The following ADAMTS17 variants were observed in gnomAD, a reference collection of about 807,000 sequenced individuals.
The protein encoded by ADAMTS17 is A disintegrin and metalloproteinase with thrombospondin motifs 17.
In ADAMTS17, 113 loss-of-function variants were observed where a neutral mutation model predicts 141.5. The ratio of observed to expected loss-of-function variants is 0.80; its 90% CI spans 0.69 to 0.93. The LOEUF (loss-of-function observed/expected upper bound fraction) is 0.93, where lower values mean the gene tolerates loss of function less well. Ranked by LOEUF, ADAMTS17 falls within the 40% of genes least tolerant of loss-of-function variation. The probability of loss-of-function intolerance (pLI) is 0.00; values close to 1 mark genes in which losing one functional copy is unlikely to be tolerated. For missense variants in ADAMTS17, 1,659 were observed against 1,517.9 expected (o/e 1.09, Z -1.54); for synonymous variants, 768 against 630.6 (o/e 1.22, Z -3.27).
rs76450965 is a variant in ADAMTS17 at position 100,248,310 on chromosome 15, G to A, written c.1075+5826C>T. On this transcript the variant is annotated intron_variant, in intron 7 of 21. Transcript: ENST00000268070. ...CACCGTAGCTCAATTTGGAGGCACG[G>A]GTAGGAGAAAACCAATGCTCCACAT... Among the ~76,000 whole-genome samples the A allele has an allele frequency of 5.2e-3, 795 of 152,314 alleles. 7 individuals are homozygous for A. Among genetic ancestry groups the A allele is most frequent in the African/African-American group, 0.014 (585 of 41,564 alleles).
chr15:100,140,121 A>C (rs567778405), intron 10 of ADAMTS17, among the ~76,000 whole-genome samples: 1 of 152,036 alleles, frequency 6.6e-6, no homozygotes, highest in African/African-American at 2.4e-5. Flanking sequence ...TCAGCCTCCT[A>C]AGTAGCTGGG....
At chr15:100,302,709 G>A (rs537612875) in intron 3 of ADAMTS17, among the ~76,000 whole-genome samples, 45 of 152,288 alleles carry the variant, frequency 3.0e-4, no homozygotes, top group Non-Finnish European at 4.1e-4. Context: ...AACTATCTGC[G>A]ATGGTTAATA....
chr15:100,215,883 C>T (rs535455182), intron 7 of ADAMTS17, among the ~76,000 whole-genome samples: 5 of 152,138 alleles, frequency 3.3e-5, no homozygotes, highest in Admixed American at 6.5e-5. Flanking sequence ...GTTTAGGTGT[C>T]GCTGACTCTC....
chr15:100,195,607 T>C (rs1476366113), intron 8 of ADAMTS17, among the ~76,000 whole-genome samples: 1 of 127,200 alleles, frequency 7.9e-6, no homozygotes, highest in African/African-American at 3.1e-5. Flanking sequence ...GCCCATTGTT[T>C]GGTCTCAAAA....
chr15:100,125,954 G>A (rs113723003), intron 12 of ADAMTS17, among the ~76,000 whole-genome samples: 92 of 152,280 alleles, frequency 6.0e-4, no homozygotes, highest in African/African-American at 2.2e-3. Context: ...GGGGTCGTGG[G>A]AGCGTTCCAA....
At chr15:100,290,849 C>G (rs533749628) in intron 3 of ADAMTS17, among the ~76,000 whole-genome samples, 29 of 152,226 alleles carry the variant, frequency 1.9e-4, no homozygotes, top group African/African-American at 6.5e-4. Flanking sequence ...AAAATTAACT[C>G]GGGATGGATT....
chr15:99,989,254 C>T (rs971030154), intron 20 of ADAMTS17, among the ~76,000 whole-genome samples: 3 of 152,120 alleles, frequency 2.0e-5, no homozygotes, highest in African/African-American at 7.2e-5. Context: ...ACAGGGGTAC[C>T]CCACAAAAAG....
At chr15:100,302,564 A>C (rs1006697760) in intron 3 of ADAMTS17, among the ~76,000 whole-genome samples, 1 of 152,172 alleles carries the variant, frequency 6.6e-6, no homozygotes, top group Admixed American at 6.5e-5. Flanking sequence ...AACATTTGCT[A>C]TCTTTTTTAC....
intron 8 of ADAMTS17, among the ~76,000 whole-genome samples, chr15:100,166,361 A>G (rs190408683): frequency 4.6e-5 from 7 of 151,944 alleles, no homozygotes; most frequent in African/African-American, 1.7e-4. Context: ...ATTTTGCTTC[A>G]TCCTTTTCTA....
chr15:100,303,400 CAT>C (rs2045112256), intron 3 of ADAMTS17, among the ~76,000 whole-genome samples: 1 of 151,514 alleles, frequency 6.6e-6, no homozygotes. Flanking sequence ...CTTCTCCCAT[CAT>C]ATGAGTTGTA....
chr15:100,320,011 ACAG>A (rs950556753), intron 3 of ADAMTS17, among the ~76,000 whole-genome samples: 1 of 152,212 alleles, frequency 6.6e-6, no homozygotes, highest in African/African-American at 2.4e-5. Flanking sequence ...TATAAAAAAG[ACAG>A]CAGTGGAAAA....
intron 13 of ADAMTS17, among the ~76,000 whole-genome samples, chr15:100,109,803 C>T (rs2036638766): frequency 6.6e-6 from 1 of 152,134 alleles, no homozygotes; most frequent in Non-Finnish European, 1.5e-5. Flanking sequence ...GGTGTGCGCT[C>T]TCTGCCTGGA....
At chr15:100,251,794 C>G (rs974083630) in intron 7 of ADAMTS17, among the ~76,000 whole-genome samples, 2 of 152,160 alleles carry the variant, frequency 1.3e-5, no homozygotes, top group Non-Finnish European at 2.9e-5. Flanking sequence ...GGCTCTAGGC[C>G]AGTATGACTG....
At chr15:100,122,773 C>T (rs1567211832) in intron 12 of ADAMTS17, among the ~76,000 whole-genome samples, 1 of 152,166 alleles carries the variant, frequency 6.6e-6, no homozygotes, top group African/African-American at 2.4e-5. Flanking sequence ...GGAAGTGGAT[C>T]ATCATAAAGG....
Position 99,993,228 on chromosome 15 carries a change from C to T in ADAMTS17, c.2797-28G>A, listed in dbSNP as rs200548352. 6.7e-5 allele frequency: 108 copies of T among 1,613,958 alleles called. No homozygotes were observed. The highest frequency in any genetic ancestry group is 1.6e-4 in the Middle Eastern group (1 of 6,062). ...GCAAGACACCATTCAAATATTTAAC[C>T]GAGTTCCAATTCGATTCAAGTCCAT... On this transcript the variant is annotated intron_variant, in intron 19 of 21. Transcript: ENST00000268070. This position sits in a 1 kb window ranked among gnomAD's most constrained non-coding sequence, Gnocchi z 4.3.
chr15:100,000,180 T>C (rs1210714543), intron 18 of ADAMTS17, among the ~76,000 whole-genome samples: 3 of 152,222 alleles, frequency 2.0e-5, no homozygotes, highest in Non-Finnish European at 4.4e-5. Context: ...AGGGTGGCCA[T>C]GAGCCTCCCA....
chr15:99,979,075 G>A (rs1225899433), intron 20 of ADAMTS17: 1 of 152,240 alleles, frequency 6.6e-6, no homozygotes, highest in Non-Finnish European at 1.5e-5. Context: ...TAAAGGTAAG[G>A]GAGCAAAGGC....
chr15:100,111,398 G>A (rs2036772687), intron 13 of ADAMTS17, among the ~76,000 whole-genome samples: 1 of 152,240 alleles, frequency 6.6e-6, no homozygotes, highest in African/African-American at 2.4e-5. Context: ...AGGACCTCAG[G>A]AGGTGGCTGG....
chr15:100,278,137 G>C (rs2044160608), intron 4 of ADAMTS17, among the ~76,000 whole-genome samples: 1 of 152,110 alleles, frequency 6.6e-6, no homozygotes, highest in African/African-American at 2.4e-5. Context: ...GGCAGGGGCT[G>C]GGGGAGAGGG....
Sources: allele counts gnomAD v4.1 joint callset (sites outside exome capture counted in the v4.1 genomes callset), GRCh38; gene constraint gnomAD v4.1.1; non-coding constraint Gnocchi (gnomAD v3.1); transcripts MANE v1.5; gene names NCBI Gene and HGNC (gene_info 2026-07-23, HGNC 2026-07-21).